IFIT1: variants seen among roughly 807,000 people sequenced by gnomAD.
IFIT1 encodes the protein interferon induced protein with tetratricopeptide repeats 1, also known as antiviral innate immune response effector IFIT1.
A neutral mutation model predicts 2.5 loss-of-function variants in IFIT1; 1 was observed. The ratio of observed to expected loss-of-function variants is 0.40; its 90% CI spans 0.14 to 1.92. The LOEUF is 1.92. IFIT1 is among the 40% of genes most tolerant of loss of function. The pLI is 0.31. For synonymous variants in IFIT1, 191 were observed against 201.7 expected (o/e 0.95, Z 0.45); for missense variants, 508 against 557.8 (o/e 0.91, Z 0.90).
At chr10:89,396,373 G>T (rs756511185) in intron 1 of IFIT1, among the ~76,000 whole-genome samples, 1 of 152,182 alleles carries the variant, frequency 6.6e-6, no homozygotes, top group African/African-American at 2.4e-5. Context: ...AAGAAGTATG[G>T]TGCTGGCATC....
At position 89,402,362 on chromosome 10, in the gene IFIT1, C is replaced by T. The variant is rs779730712; in HGVS notation, c.87C>T (p.Asp29=). ...CHFTWELSID[D]DEMPDLENRV... Reference sequence around the variant, plus strand: ...TTACATGGGAGTTATCCATTGATGACGATGAAATGCCTGATTTAGAAAACA... The same window carrying T: ...TTACATGGGAGTTATCCATTGATGATGATGAAATGCCTGATTTAGAAAACA... Residue 29 remains aspartate (D), a synonymous_variant, in exon 2 of 2, where the codon GAC becomes GAT. Coordinates refer to ENST00000371804, the MANE Select transcript of IFIT1 (RefSeq NM_001548.5). 25 of 1,613,880 alleles carry T rather than the reference C, an allele frequency of 1.5e-5. No individual in the cohort carries two copies. Among genetic ancestry groups the T allele is most frequent in the African/African-American group, 2.7e-5 (2 of 74,900 alleles).
chr10:89,402,839 G>C lies in IFIT1; in HGVS notation c.564G>C (p.Leu188=), dbSNP rs747368299. 1.2e-6 allele frequency: 2 copies of C among 1,614,142 alleles called. No homozygotes were observed. Among genetic ancestry groups the C allele is most frequent in the East Asian group, 4.5e-5 (2 of 44,878 alleles). The change falls in exon 2 of 2, where the codon CTG becomes CTC. Residue 188 remains leucine, a synonymous_variant. Coordinates refer to ENST00000371804, the MANE Select transcript of IFIT1 (RefSeq NM_001548.5). ...SAGYAISAYR[L]DGFKLATKNH... is the part of the protein sequence containing the mutation. ...GGTATGCGATCTCTGCCTATCGCCT[G>C]GATGGCTTTAAATTAGCCACAAAAA...
intron 1 of IFIT1, among the ~76,000 whole-genome samples, chr10:89,399,599 C>T (rs936278082): frequency 1.5e-4 from 13 of 84,456 alleles, no homozygotes; most frequent in African/African-American, 1.5e-3. Context: ...ATATATCCAG[C>T]TTTCCCACAC....
Position 89,403,579 on chromosome 10 carries a change from TAGATCTGGAA to T in IFIT1, c.1307_1316del (p.Asp436AlafsTer2), listed in dbSNP as rs1844477833. The T allele has an allele frequency of 1.9e-6, 3 of 1,614,016 alleles. No homozygotes were observed. In the African/African-American group the frequency reaches 4.0e-5, roughly 22 times the overall value. ...TTAAGGAAACTTCGGAGAAAGGCAT[TAGATCTGGAA>T]AGCTTGAGCCTCCTTGGGTTCGTCT... On this transcript the variant is annotated frameshift_variant, in exon 2 of 2. Transcript: ENST00000371804. LOFTEE classifies it low-confidence loss of function (END_TRUNC).
chr10:89,403,806 A>C lies in IFIT1; in HGVS notation c.*94A>C, dbSNP rs1463357639. On this transcript the variant is annotated 3_prime_UTR_variant, in exon 2 of 2. Transcript: ENST00000371804. ...GCTTACTGTTTTCAGAAACATTATA[A>C]TTCACTGTAATGATGTAATTCTTGA... 1 of 685,860 alleles carries C rather than the reference A, an allele frequency of 1.5e-6. No homozygotes were observed. The highest frequency in any genetic ancestry group is 1.8e-5 in the African/African-American group (1 of 55,618). 42.5% of individuals were successfully genotyped at this position (685,860 alleles called of 1,614,324 possible).
rs372737209 is a variant in IFIT1 at position 89,403,610 on chromosome 10, C to T, written c.1335C>T (p.Phe445=). 36 of 1,613,834 alleles carry T rather than the reference C, an allele frequency of 2.2e-5. No individual in the cohort carries two copies. Among genetic ancestry groups the T allele is most frequent in the Non-Finnish European group, 2.7e-5 (32 of 1,179,910 alleles). Residue 445 remains phenylalanine, a synonymous_variant, in exon 2 of 2, where the codon TTC becomes TTT. Coordinates refer to ENST00000371804, the MANE Select transcript of IFIT1 (RefSeq NM_001548.5). ...TGGAAAGCTTGAGCCTCCTTGGGTT[C>T]GTCTACAAATTGGAAGGAAATATGA... The part of the protein sequence containing the change: ...LDLESLSLLG[F]VYKLEGNMNE...
chr10:89,394,347 A>G (rs1232135670), intron 1 of IFIT1, among the ~76,000 whole-genome samples: 1 of 152,048 alleles, frequency 6.6e-6, no homozygotes, highest in African/African-American at 2.4e-5. Context: ...TATGATCCTG[A>G]TTTTACAATA....
intron 1 of IFIT1, among the ~76,000 whole-genome samples, chr10:89,396,400 A>AGGGCTTTGGTGC (rs1844343332): frequency 6.6e-6 from 1 of 152,218 alleles, no homozygotes; most frequent in Admixed American, 6.5e-5. Flanking sequence ...GCTTCTGGTG[A>AGGGCTTTGGTGC]GGGCTTTGGT....
Position 89,402,968 on chromosome 10 carries a change from A to T in IFIT1, c.693A>T (p.Gly231=). The change falls in exon 2 of 2, where the codon GGA becomes GGT. Residue 231 remains glycine, a synonymous_variant. Coordinates refer to ENST00000371804, the MANE Select transcript of IFIT1 (RefSeq NM_001548.5). Reference sequence around the variant, plus strand: ...TTGCCCTGAAGCTTCAGGATGAAGGACAGGAAGCTGAAGGAGAAAAGTACA... The same window carrying T: ...TTGCCCTGAAGCTTCAGGATGAAGGTCAGGAAGCTGAAGGAGAAAAGTACA... ...VLLALKLQDE[G]QEAEGEKYIE... is the part of the protein sequence containing the mutation. The T allele has an allele frequency of 6.2e-7, 1 of 1,614,140 alleles. No homozygotes were observed.
chr10:89,395,680 A>G (rs1349577044), intron 1 of IFIT1, among the ~76,000 whole-genome samples: 1 of 152,216 alleles, frequency 6.6e-6, no homozygotes, highest in African/African-American at 2.4e-5. Flanking sequence ...ACGCTTAGGC[A>G]TTAGGCTGTT....
At position 89,403,014 on chromosome 10, in the gene IFIT1, A is replaced by G. The variant is rs371786671; in HGVS notation, c.739A>G (p.Met247Val). The G allele has an allele frequency of 3.1e-6, 5 of 1,614,236 alleles. No homozygotes were observed. Among genetic ancestry groups the G allele is most frequent in the Admixed American group, 3.3e-5 (2 of 60,026 alleles). ...EKYIEEALAN[M>V]SSQTYVFRYA... is the part of the protein sequence containing the mutation. The stretch of plus-strand genomic sequence containing the variant: ...GTACATTGAAGAAGCTCTAGCCAAC[A>G]TGTCCTCACAGACCTATGTCTTTCG... The change falls in exon 2 of 2, where the codon ATG becomes GTG. Residue 247 changes from methionine (M) to valine (V), a missense_variant. Met to Val is a conservative substitution (Grantham distance 21). Coordinates refer to ENST00000371804, the MANE Select transcript of IFIT1 (RefSeq NM_001548.5).
intron 1 of IFIT1, chr10:89,393,295 G>T: frequency 7.8e-7 from 1 of 1,289,278 alleles, no homozygotes; most frequent in Non-Finnish European, 1.0e-6. Context: ...ATCAGGCTGA[G>T]CTTAAGATAA....
chr10:89,399,370 AT>A (rs1313118486), intron 1 of IFIT1, among the ~76,000 whole-genome samples: 1 of 152,056 alleles, frequency 6.6e-6, no homozygotes, highest in African/African-American at 2.4e-5. Context: ...AAAGTTTTTA[AT>A]TTTGGTGGAG....
intron 1 of IFIT1, chr10:89,393,122 GA>G: frequency 7.7e-7 from 1 of 1,293,698 alleles, no homozygotes; most frequent in Non-Finnish European, 1.0e-6. Flanking sequence ...TTACCACAGA[GA>G]AAAAGCAGGA....
At chr10:89,399,118 T>C (rs1205270763) in intron 1 of IFIT1, among the ~76,000 whole-genome samples, 2 of 152,220 alleles carry the variant, frequency 1.3e-5, no homozygotes, top group East Asian at 3.8e-4. Flanking sequence ...ATTTCACTAA[T>C]GATTAGTGAT....
chr10:89,396,762 T>C (rs1294870369), intron 1 of IFIT1, among the ~76,000 whole-genome samples: 1 of 152,248 alleles, frequency 6.6e-6, no homozygotes, highest in Non-Finnish European at 1.5e-5. Flanking sequence ...AAAATTATTA[T>C]TGTAGCCAAC....
Position 89,403,242 on chromosome 10 carries a change from A to C in IFIT1, c.967A>C (p.Arg323=). 6.2e-7 allele frequency: 1 copy of C among 1,614,218 alleles called. No individual in the cohort carries two copies. The highest frequency in any genetic ancestry group is 8.5e-7 in the Non-Finnish European group (1 of 1,180,038). ...QNREKLDKMI[R]SAIFHFESAV... is the part of the protein sequence containing the mutation. Reference sequence around the variant, plus strand: ...CAGAGAAAAGCTAGACAAAATGATAAGATCAGCCATATTTCATTTTGAATC... The same window carrying C: ...CAGAGAAAAGCTAGACAAAATGATACGATCAGCCATATTTCATTTTGAATC... The change falls in exon 2 of 2, where the codon AGA becomes CGA. Residue 323 remains arginine, a synonymous_variant. Transcript: ENST00000371804.
chr10:89,393,993 T>C (rs1411247069), intron 1 of IFIT1, among the ~76,000 whole-genome samples: 1 of 152,238 alleles, frequency 6.6e-6, no homozygotes, highest in Non-Finnish European at 1.5e-5. Context: ...ATGTAAATTA[T>C]TCCATTTAAT....
rs11553018 is a variant in IFIT1, at chr10:89,402,799, C to T, written c.524C>T (p.Pro175Leu). The T allele has an allele frequency of 6.5e-5, 105 of 1,614,102 alleles. No individual in the cohort carries two copies. Among genetic ancestry groups the T allele is most frequent in the East Asian group, 1.8e-4 (8 of 44,892 alleles). Residue 175 changes from proline to leucine, a missense_variant, in exon 2 of 2, where the codon CCT becomes CTT. Coordinates refer to ENST00000371804, the MANE Select transcript of IFIT1 (RefSeq NM_001548.5). Reference protein sequence around the residue: ...EKVLEVDPENPESSAGYAISA... With the variant: ...EKVLEVDPENLESSAGYAISA... Reference sequence around the variant, plus strand: ...GTGCTTGAAGTGGACCCTGAAAACCCTGAATCCAGCGCTGGGTATGCGATC... The same window carrying T: ...GTGCTTGAAGTGGACCCTGAAAACCTTGAATCCAGCGCTGGGTATGCGATC...
Sources: gnomAD v4.1 joint callset for allele counts (sites outside exome capture counted in the v4.1 genomes callset) on GRCh38, gnomAD v4.1.1 for gene constraint, MANE v1.5 for transcripts, NCBI Gene and HGNC (gene_info 2026-07-23, HGNC 2026-07-21) for gene names.